Variants in MEF2B observed in about 807,000 individuals in gnomAD.
MEF2B encodes myocyte-specific enhancer factor 2B.
MEF2B carries 15 observed loss-of-function variants against 32.2 expected under a neutral mutation model. That is an observed-to-expected ratio of 0.47 (90% confidence interval 0.31 to 0.72). The LOEUF (loss-of-function observed/expected upper bound fraction) is 0.72. Among genes scored for constraint, MEF2B ranks in the 30% least tolerant of loss-of-function variants. MEF2B has a pLI of 0.05. For missense variants in MEF2B, 441 were observed against 511.5 expected (o/e 0.86, Z 1.33); for synonymous variants, 205 against 225.6 (o/e 0.91, Z 0.82).
chr19:19,161,390 C>T (rs1372994704), intron 1 of MEF2B, among the ~76,000 whole-genome samples: 6 of 151,938 alleles, frequency 3.9e-5, no homozygotes, highest in Non-Finnish European at 7.4e-5. Context: ...CACAGATGCC[C>T]GAAACAACAG....
rs369080956 is a variant in MEF2B at position 19,158,799 on chromosome 19, T to C, written c.-29-8035A>G. On this transcript the variant is annotated intron_variant, in intron 1 of 8. Coordinates refer to ENST00000424583, the MANE Select transcript of MEF2B (RefSeq NM_001145785.2). ...AAAAATAAAAAAATTTAGCCAGGCG[T>C]GGTGGTGCACCCCTTAGTCCCAGCT... 1.2e-4 allele frequency among the ~76,000 whole-genome samples: 18 copies of C among 150,918 alleles called. 1 individual carries two copies. In the East Asian group the frequency reaches 3.0e-3, roughly 25 times the overall value.
chr19:19,145,758 C>CA lies in MEF2B; in HGVS notation c.*38_*39insT. 2 of 1,556,622 alleles carry CA rather than the reference C, an allele frequency of 1.3e-6. No individual in the cohort carries two copies. The highest frequency in any genetic ancestry group is 1.7e-6 in the Non-Finnish European group (2 of 1,150,416). The stretch of plus-strand genomic sequence containing the variant: ...GGGGTCCCCACGTGCCCTCGCCGTA[C>CA]CTGGCGAGCGCTCTGGGCTGGTGCC... On this transcript the variant is annotated 3_prime_UTR_variant, in exon 9 of 9. Coordinates refer to ENST00000424583, the MANE Select transcript of MEF2B (RefSeq NM_001145785.2). The surrounding 1 kb of genome is among the most constrained non-coding windows in gnomAD (Gnocchi z 4.6).
chr19:19,168,483 G>T (rs1012714897), intron 1 of MEF2B, among the ~76,000 whole-genome samples: 11 of 151,786 alleles, frequency 7.2e-5, no homozygotes, highest in African/African-American at 2.7e-4. Flanking sequence ...ATGTTGGTCA[G>T]GCTGGTCTCG....
chr19:19,160,340 G>A (rs533424430), intron 1 of MEF2B, among the ~76,000 whole-genome samples: 42 of 152,058 alleles, frequency 2.8e-4, no homozygotes, highest in African/African-American at 8.7e-4. Flanking sequence ...AACTGGGGGC[G>A]CTGAGTCAGT....
At chr19:19,166,097 G>A (rs1257278468) in intron 1 of MEF2B, among the ~76,000 whole-genome samples, 1 of 152,078 alleles carries the variant, frequency 6.6e-6, no homozygotes, top group Non-Finnish European at 1.5e-5. Context: ...TAGTTGCCCT[G>A]TTTTGCACAG....
At chr19:19,152,388 AAAAAG>A (rs1334515580) in intron 1 of MEF2B, among the ~76,000 whole-genome samples, 14 of 132,300 alleles carry the variant, frequency 1.1e-4, no homozygotes, top group East Asian at 2.4e-4. Flanking sequence ...CTCAAAAAAA[AAAAAG>A]AAAAAGAAAA....
intron 1 of MEF2B, among the ~76,000 whole-genome samples, chr19:19,160,218 C>T (rs1420804092): frequency 1.3e-5 from 2 of 152,012 alleles, no homozygotes; most frequent in Admixed American, 6.6e-5. Context: ...GATCCGCCTG[C>T]TTTGGCCTCC....
intron 2 of MEF2B, among the ~76,000 whole-genome samples, chr19:19,149,836 TG>T (rs1262095628): frequency 1.3e-5 from 2 of 151,938 alleles, no homozygotes; most frequent in Admixed American, 6.6e-5. Flanking sequence ...CCCAGCACTT[TG>T]GGAGGCCCAG....
At chr19:19,149,088 A>T in intron 3 of MEF2B, 138 bp downstream of exon 3, 2 of 1,120,014 alleles carry the variant, frequency 1.8e-6, no homozygotes, top group Non-Finnish European at 2.5e-6. Context: ...GGTCCCTTCT[A>T]GGGACAGCAG....
rs377026490 is a variant in MEF2B, at chr19:19,147,786, G to A, written c.305C>T (p.Pro102Leu). 18 of 1,613,790 alleles carry A rather than the reference G, an allele frequency of 1.1e-5. No homozygotes were observed. The highest frequency in any genetic ancestry group is 9.3e-5 in the African/African-American group (7 of 75,048). ...TCCTGGCTCCTCAGGCCCTTCATCCGGCTCCAGCTCTGGCCCATCGAGGCC... is the reference window on the plus strand; with the variant it reads ...TCCTGGCTCCTCAGGCCCTTCATCCAGCTCCAGCTCTGGCCCATCGAGGCC... ...GIGLDGPELEPDEGPEEPGEK... is the reference protein window; with the variant it reads ...GIGLDGPELELDEGPEEPGEK... Residue 102 changes from proline (P) to leucine (L), a missense_variant, in exon 4 of 9, where the codon CCG becomes CTG. By Grantham distance (98) the Pro-to-Leu change is moderately conservative (BLOSUM62 -3). This residue lies in a region of MEF2B where 115 missense variants were observed against 183.1 expected (regional missense o/e 0.63). Coordinates refer to ENST00000424583, the MANE Select transcript of MEF2B (RefSeq NM_001145785.2).
intron 1 of MEF2B, among the ~76,000 whole-genome samples, chr19:19,152,388 A>AAAAAAG (rs1292124749): frequency 7.6e-6 from 1 of 132,316 alleles, no homozygotes; most frequent in African/African-American, 2.9e-5. Flanking sequence ...CTCAAAAAAA[A>AAAAAAG]AAAAGAAAAA....
At chr19:19,152,057 T>C (rs938794825) in intron 1 of MEF2B, among the ~76,000 whole-genome samples, 5 of 148,838 alleles carry the variant, frequency 3.4e-5, no homozygotes, top group African/African-American at 1.2e-4. Context: ...GCCTCCCAGG[T>C]TCAAGTGATT....
chr19:19,145,776 C>A lies in MEF2B; in HGVS notation c.*21G>T, dbSNP rs1360822470. On this transcript the variant is annotated 3_prime_UTR_variant, in exon 9 of 9. Transcript: ENST00000424583. This position sits in a 1 kb window ranked among gnomAD's most constrained non-coding sequence, Gnocchi z 4.6. ...CGCCGTACCTGGCGAGCGCTCTGGG[C>A]TGGTGCCACCGGGTGATCTCCTACC... 2 of 1,551,936 alleles carry A rather than the reference C, an allele frequency of 1.3e-6. No homozygotes were observed. Among genetic ancestry groups the A allele is most frequent in the Non-Finnish European group, 1.7e-6 (2 of 1,147,690 alleles).
rs138206353 is a variant in MEF2B, at chr19:19,149,265, G to T, written c.219C>A (p.Ser73Arg). The change falls in exon 3 of 9, where the codon AGC (serine) becomes AGA (arginine). Residue 73 changes from serine to arginine, a missense_variant. Ser to Arg is a moderately radical substitution (Grantham distance 110). This residue lies in a region of MEF2B where 115 missense variants were observed against 183.1 expected (regional missense o/e 0.63). Coordinates refer to ENST00000424583, the MANE Select transcript of MEF2B (RefSeq NM_001145785.2). ...DRVLLKYTEY[S>R]EPHESRTNTD... The stretch of plus-strand genomic sequence containing the variant: ...TGTTGGTGCGGCTCTCGTGGGGCTC[G>T]CTGTACTCTGTGTACTTCAGCAGCA... 1.2e-6 allele frequency: 2 copies of T among 1,613,798 alleles called. No homozygotes were observed. The highest frequency in any genetic ancestry group is 2.7e-5 in the African/African-American group (2 of 74,838).
At chr19:19,160,091 C>A (rs1655667621) in intron 1 of MEF2B, among the ~76,000 whole-genome samples, 1 of 151,660 alleles carries the variant, frequency 6.6e-6, no homozygotes, top group Non-Finnish European at 1.5e-5. Context: ...GCCTCAGACT[C>A]CCGAGTAGCT....
chr19:19,150,543 A>AAAC, intron 2 of MEF2B, 139 bp downstream of exon 2: 9 of 1,012,552 alleles, frequency 8.9e-6, no homozygotes, highest in Non-Finnish European at 9.4e-6. Flanking sequence ...AAAAAAAAAA[A>AAAC]GAAAGGCTGA....
chr19:19,147,262 G>C lies in MEF2B; in HGVS notation c.394-79C>G, dbSNP rs765580629. On this transcript the variant is annotated intron_variant, in intron 4 of 8. Coordinates refer to ENST00000424583, the MANE Select transcript of MEF2B (RefSeq NM_001145785.2). ...AGTCCAAGGGAGAAAATCCTGATGA[G>C]TTCAGGGGCCCAGCTCTACCTTCAG... 205 of 1,266,134 alleles carry C rather than the reference G, an allele frequency of 1.6e-4. 54 individuals are homozygous for C. Among genetic ancestry groups the C allele is most frequent in the Non-Finnish European group, 2.1e-4 (202 of 954,668 alleles). 78.4% of individuals were successfully genotyped at this position (1,266,134 alleles called of 1,614,324 possible).
intron 2 of MEF2B, among the ~76,000 whole-genome samples, 157 bp downstream of exon 2, chr19:19,150,525 A>T (rs2060070043): frequency 3.1e-5 from 1 of 32,444 alleles, no homozygotes; most frequent in East Asian, 1.9e-3. Flanking sequence ...CTTCATCTCA[A>T]AAAAAAAAAA....
intron 2 of MEF2B, among the ~76,000 whole-genome samples, chr19:19,149,827 C>T (rs1033867659): frequency 6.6e-6 from 1 of 151,928 alleles, no homozygotes; most frequent in African/African-American, 2.4e-5. Flanking sequence ...GCCTGAGGTC[C>T]CAGCACTTTG....
Sources: gnomAD v4.1 joint callset for allele counts (sites outside exome capture counted in the v4.1 genomes callset) on GRCh38, gnomAD v4.1.1 for gene constraint, gnomAD v4.1.1 regional missense constraint, Gnocchi (gnomAD v3.1) non-coding constraint, MANE v1.5 for transcripts, NCBI Gene and HGNC (gene_info 2026-07-23, HGNC 2026-07-21) for gene names.